Variants in HAS3 observed in about 807,000 individuals in gnomAD.
HAS3 encodes HA synthase 3.
A neutral mutation model predicts 50.3 loss-of-function variants in HAS3; 27 were observed. The observed-to-expected ratio is 0.54, with a 90% CI of 0.40 to 0.74. The LOEUF (loss-of-function observed/expected upper bound fraction) is 0.74. Ranked by LOEUF, HAS3 falls within the 30% of genes least tolerant of loss-of-function variation. HAS3 has a pLI of 0.00. For synonymous variants in HAS3, 339 were observed against 310.9 expected, an observed-to-expected ratio of 1.09 and a Z score of -0.95; for missense variants, 517 against 742.8, an observed-to-expected ratio of 0.70 and a Z score of 3.53.
chr16:69,101,344 AGGCTG>A (rs1567575845), upstream of HAS3, among the ~76,000 whole-genome samples: 1 of 152,180 alleles, frequency 6.6e-6, no homozygotes, highest in Non-Finnish European at 1.5e-5. Flanking sequence ...TCTGTCACCC[AGGCTG>A]GAGTGCAGTG....
rs1268733974 is a variant in HAS3 at position 69,114,905 on chromosome 16, C to A, written c.1301C>A (p.Ala434Glu). 4 of 1,614,110 alleles carry A rather than the reference C, an allele frequency of 2.5e-6. No individual in the cohort carries two copies. Among genetic ancestry groups the A allele is most frequent in the Non-Finnish European group, 2.5e-6 (3 of 1,180,020 alleles). ...TACGCCTGCTTCCTTCGGGGCAATGCAGAGATGATCTTCATGTCCCTCTAC... is the reference window on the plus strand; with the variant it reads ...TACGCCTGCTTCCTTCGGGGCAATGAAGAGATGATCTTCATGTCCCTCTAC... ...ATYACFLRGN[A>E]EMIFMSLYSL... The change falls in exon 4 of 4, where the codon GCA (alanine) becomes GAA (glutamate). Residue 434 changes from alanine (A) to glutamate (E), a missense_variant. Transcript: ENST00000569188. This position sits in a 1 kb window ranked among gnomAD's most constrained non-coding sequence, Gnocchi z 6.4.
At chr16:69,083,757 T>G in the HAS3 span, 17 of 1,351,218 alleles carry the variant, frequency 1.3e-5, no homozygotes, top group Non-Finnish European at 1.7e-5. Context: ...TCTTGAGTGC[T>G]GGCAGCATGG....
the HAS3 span, chr16:69,084,644 G>A: frequency 1.3e-5 from 2 of 152,336 alleles, no homozygotes; most frequent in South Asian, 4.1e-4. Context: ...TAACAGAAAG[G>A]AGATACTGGC....
At chr16:69,086,864 A>G in the HAS3 span, among the ~76,000 whole-genome samples, 1 of 152,196 alleles carries the variant, frequency 6.6e-6, no homozygotes, top group African/African-American at 2.4e-5. Context: ...AGATTGCGCC[A>G]TTGCACTCCA....
At position 69,114,942 on chromosome 16, in the gene HAS3, T is replaced by C; in HGVS notation, c.1338T>C (p.Tyr446=). The change falls in exon 4 of 4, where the codon TAT becomes TAC. Residue 446 remains tyrosine, a synonymous_variant. Coordinates refer to ENST00000569188, the MANE Select transcript of HAS3 (RefSeq NM_001199280.2). This position sits in a 1 kb window ranked among gnomAD's most constrained non-coding sequence, Gnocchi z 6.4. Reference sequence around the variant, plus strand: ...TCATGTCCCTCTACTCCCTCCTCTATATGTCCAGCCTTCTGCCGGCCAAGA... The same window carrying C: ...TCATGTCCCTCTACTCCCTCCTCTACATGTCCAGCCTTCTGCCGGCCAAGA... ...MIFMSLYSLL[Y]MSSLLPAKIF... 1.2e-6 allele frequency: 2 copies of C among 1,614,130 alleles called. No homozygotes were observed. The highest frequency in any genetic ancestry group is 1.1e-5 in the South Asian group (1 of 91,086).
the HAS3 span, chr16:69,084,805 C>T: frequency 1.3e-5 from 2 of 152,474 alleles, no homozygotes. Context: ...CCACAGGAAC[C>T]AAAACGCAGT....
upstream of HAS3, among the ~76,000 whole-genome samples, chr16:69,103,241 AT>A (rs1401544602): frequency 3.9e-5 from 6 of 152,014 alleles, no homozygotes; most frequent in Non-Finnish European, 4.4e-5. Context: ...GCCCCTGCTT[AT>A]TTTCTCTGAT....
chr16:69,109,609 C>T lies in HAS3; in HGVS notation c.214C>T (p.Arg72Cys), dbSNP rs114726975. 7.0e-4 allele frequency: 1,124 copies of T among 1,612,182 alleles called. 6 individuals are homozygous for T. The African/African-American group carries it at 0.013, about 18-fold the overall frequency. ...CTTCCTGGAGCACCGGCGCATGCGA[C>T]GTGCCGGCCAGGCCCTGAAGCTGCC... ...FAFLEHRRMR[R>C]AGQALKLPSP... Residue 72 changes from arginine (R) to cysteine (C), a missense_variant, in exon 2 of 4, where the codon CGT becomes TGT. By Grantham distance (180) the Arg-to-Cys change is radical. Transcript: ENST00000569188. This position sits in a 1 kb window ranked among gnomAD's most constrained non-coding sequence, Gnocchi z 5.3.
At chr16:69,100,624 G>A in the HAS3 span, among the ~76,000 whole-genome samples, 1 of 152,188 alleles carries the variant, frequency 6.6e-6, no homozygotes, top group African/African-American at 2.4e-5. Context: ...CCACTCACTA[G>A]GAGACAGCGG....
chr16:69,087,247 C>T, the HAS3 span, among the ~76,000 whole-genome samples: 2 of 152,366 alleles, frequency 1.3e-5, no homozygotes, highest in African/African-American at 4.8e-5. Flanking sequence ...CATCCACCAC[C>T]CCCTTGCTCT....
chr16:69,107,705 G>A lies in HAS3; in HGVS notation c.1-1691G>A, dbSNP rs1051384606. 15 of 985,352 alleles carry A rather than the reference G, an allele frequency of 1.5e-5. No individual in the cohort carries two copies. In the African/African-American group the frequency reaches 2.6e-4, roughly 17 times the overall value. 61.0% of individuals were successfully genotyped at this position (985,352 alleles called of 1,614,324 possible). A position where few individuals can be genotyped will look rare whatever the true frequency, so the allele number is the denominator to read the frequency against. On this transcript the variant is annotated intron_variant, in intron 1 of 3. Coordinates refer to ENST00000569188, the MANE Select transcript of HAS3 (RefSeq NM_001199280.2). This position sits in a 1 kb window ranked among gnomAD's most constrained non-coding sequence, Gnocchi z 5.5. ...CGCGCCCCTTCAGCATGTAAGCTCC[G>A]GAGGGGAATGGGGGCGCTCCTAGGC...
At chr16:69,110,268 G>A (rs1046788343) in intron 2 of HAS3, among the ~76,000 whole-genome samples, 1 of 152,072 alleles carries the variant, frequency 6.6e-6, no homozygotes, top group African/African-American at 2.4e-5. Flanking sequence ...TGGCTAACAC[G>A]GTGAAACCCC....
Position 69,109,685 on chromosome 16 carries a change from A to T in HAS3, c.290A>T (p.Asp97Val). 6.2e-7 allele frequency: 1 copy of T among 1,610,088 alleles called. No individual in the cohort carries two copies. ...VALCIAAYQEDPDYLRKCLRS... is the reference protein window; with the variant it reads ...VALCIAAYQEVPDYLRKCLRS... ...CTGTGCATTGCCGCATACCAGGAGG[A>T]CCCTGACTACTTGCGCAAGTGCCTG... The change falls in exon 2 of 4, where the codon GAC becomes GTC. Residue 97 changes from aspartate (D) to valine (V), a missense_variant. Transcript: ENST00000569188. The surrounding 1 kb of genome is among the most constrained non-coding windows in gnomAD (Gnocchi z 5.3).
At chr16:69,093,519 G>T in the HAS3 span, among the ~76,000 whole-genome samples, 5 of 136,696 alleles carry the variant, frequency 3.7e-5, no homozygotes, top group Non-Finnish European at 4.7e-5. Context: ...AGCCTACAGT[G>T]TATCTTTTTT....
rs1247279615 is a variant in HAS3, at chr16:69,107,247, T to C, written c.-1+1460T>C. 1 of 774,838 alleles carries C rather than the reference T, an allele frequency of 1.3e-6. No individual in the cohort carries two copies. The highest frequency in any genetic ancestry group is 1.6e-6 in the Non-Finnish European group (1 of 638,400). The allele number at this position is 774,838 out of a possible 1,614,324, so 48.0% of individuals were successfully genotyped here. ...GTGGGGTATCTGGCTGAGGGACATTTTGGGGGCCTCTATTTGGGGGTGGGG... is the reference window on the plus strand; with the variant it reads ...GTGGGGTATCTGGCTGAGGGACATTCTGGGGGCCTCTATTTGGGGGTGGGG... On this transcript the variant is annotated intron_variant, in intron 1 of 3. Coordinates refer to ENST00000569188, the MANE Select transcript of HAS3 (RefSeq NM_001199280.2). This position sits in a 1 kb window ranked among gnomAD's most constrained non-coding sequence, Gnocchi z 5.5.
chr16:69,100,030 A>C, the HAS3 span, among the ~76,000 whole-genome samples: 1 of 152,160 alleles, frequency 6.6e-6, no homozygotes, highest in Admixed American at 6.6e-5. Flanking sequence ...CCTCCAGCAG[A>C]GCAGAGGCCC....
downstream of HAS3, chr16:69,118,034 A>T (rs1023193494): frequency 2.7e-6 from 1 of 377,132 alleles, no homozygotes; most frequent in Non-Finnish European, 4.9e-6. Context: ...TTTATTAAAG[A>T]AACAGTAAGA....
At chr16:69,113,575 G>C in intron 3 of HAS3, 33 bp downstream of exon 3, 1 of 1,273,670 alleles carries the variant, frequency 7.9e-7, no homozygotes, top group Non-Finnish European at 1.1e-6. Context: ...TGTGGGGAGG[G>C]GTCTGGACTC....
chr16:69,103,349 A>G (rs1325748235), upstream of HAS3, among the ~76,000 whole-genome samples: 1 of 152,200 alleles, frequency 6.6e-6, no homozygotes, highest in Non-Finnish European at 1.5e-5. Context: ...TGCAGGAGGT[A>G]GCCCAGGGCT....
Sources: allele counts gnomAD v4.1 joint callset (sites outside exome capture counted in the v4.1 genomes callset), GRCh38; gene constraint gnomAD v4.1.1; non-coding constraint Gnocchi (gnomAD v3.1); transcripts MANE v1.5; gene names NCBI Gene and HGNC (gene_info 2026-07-23, HGNC 2026-07-21).